RSPO2: variants seen among roughly 807,000 people sequenced by gnomAD.
RSPO2 encodes the protein R-spondin 2.
A neutral mutation model predicts 30.9 loss-of-function variants in RSPO2; 14 were observed. That is an observed-to-expected ratio of 0.45 (90% confidence interval 0.30 to 0.71). RSPO2 has a LOEUF of 0.71. RSPO2 is among the 30% of genes least tolerant of loss of function. The pLI is 0.08. For synonymous variants in RSPO2, 107 were observed against 96.4 expected (o/e 1.11, Z -0.64); for missense variants, 264 against 301.9 (o/e 0.87, Z 0.93).
intron 2 of RSPO2, among the ~76,000 whole-genome samples, chr8:108,003,290 TATATATATATATATATATATA>T (rs1227515257): frequency 1.8e-4 from 5 of 27,434 alleles, no homozygotes; most frequent in South Asian, 1.5e-3. Flanking sequence ...TATATATATA[TATATATATATATATATATATA>T]TTTTTTTTTT....
rs1025063815 is a variant in RSPO2, at chr8:108,083,523, T to C, written c.-496A>G. 1.3e-5 allele frequency: 2 copies of C among 152,284 alleles called. No homozygotes were observed. Among genetic ancestry groups the C allele is most frequent in the Non-Finnish European group, 2.9e-5 (2 of 68,092 alleles). 9.4% of individuals were successfully genotyped at this position (152,284 alleles called of 1,614,324 possible). Reference sequence around the variant, plus strand: ...CTCCACGGTCACTTCACAGCTAAGATTTCTTTCTTTCCGAGCTGTAGAAGG... The same window carrying C: ...CTCCACGGTCACTTCACAGCTAAGACTTCTTTCTTTCCGAGCTGTAGAAGG... On this transcript the variant is annotated 5_prime_UTR_variant, in exon 1 of 6. Coordinates refer to ENST00000276659, the MANE Select transcript of RSPO2 (RefSeq NM_178565.5).
intron 3 of RSPO2, among the ~76,000 whole-genome samples, chr8:107,970,190 CA>C (rs1272579751): frequency 6.6e-6 from 1 of 152,096 alleles, no homozygotes; most frequent in Non-Finnish European, 1.5e-5. Flanking sequence ...CAGCCACAGA[CA>C]ATATGTAAAT....
chr8:108,012,277 T>A lies in RSPO2; in HGVS notation c.95-23033A>T, dbSNP rs144440742. On this transcript the variant is annotated intron_variant, in intron 2 of 5. Transcript: ENST00000276659. ...GGTCCTCAAACCTGCAGCATCAGCA[T>A]CACCTAGAAGCTGAATCTCAGACTT... Among the ~76,000 whole-genome samples, 244 of 152,316 alleles carry A rather than the reference T, an allele frequency of 1.6e-3. 1 individual carries two copies. Among genetic ancestry groups the A allele is most frequent in the African/African-American group, 5.4e-3 (224 of 41,584 alleles).
intron 2 of RSPO2, among the ~76,000 whole-genome samples, chr8:108,013,601 A>C (rs1414920191): frequency 6.6e-6 from 1 of 152,246 alleles, no homozygotes; most frequent in Non-Finnish European, 1.5e-5. Context: ...GCAATGGGGA[A>C]AGGATTCCCT....
At chr8:108,056,175 T>C (rs1812235822) in intron 2 of RSPO2, among the ~76,000 whole-genome samples, 2 of 152,186 alleles carry the variant, frequency 1.3e-5, no homozygotes. Context: ...ACATGAAATT[T>C]GTATTATTGG....
At chr8:107,982,009 C>CAAAAAAA (rs372977834) in intron 3 of RSPO2, among the ~76,000 whole-genome samples, 227 of 55,294 alleles carry the variant, frequency 4.1e-3, no homozygotes, top group African/African-American at 5.6e-3. Flanking sequence ...ACAACAACAA[C>CAAAAAAA]AAAAAAAAAA....
intron 3 of RSPO2, among the ~76,000 whole-genome samples, chr8:107,981,119 T>C (rs925939920): frequency 1.3e-5 from 2 of 152,262 alleles, no homozygotes; most frequent in African/African-American, 2.4e-5. Context: ...AGAATAATTA[T>C]ATGTGTGTCC....
At chr8:107,920,101 G>A (rs1004249657) in intron 5 of RSPO2, among the ~76,000 whole-genome samples, 2 of 151,822 alleles carry the variant, frequency 1.3e-5, no homozygotes, top group Non-Finnish European at 2.9e-5. Flanking sequence ...ATCTGGATGA[G>A]GCAGGTTATG....
At chr8:107,903,680 C>T (rs997793495) in intron 5 of RSPO2, among the ~76,000 whole-genome samples, 1 of 151,988 alleles carries the variant, frequency 6.6e-6, no homozygotes, top group African/African-American at 2.4e-5. Context: ...TATATGGTAC[C>T]AATTCCAACA....
At chr8:107,982,009 C>CAAAAAAAAAAAAAAAAA (rs372977834) in intron 3 of RSPO2, among the ~76,000 whole-genome samples, 8 of 55,354 alleles carry the variant, frequency 1.4e-4, no homozygotes, top group African/African-American at 4.0e-4. Context: ...ACAACAACAA[C>CAAAAAAAAAAAAAAAAA]AAAAAAAAAA....
intron 2 of RSPO2, among the ~76,000 whole-genome samples, chr8:108,075,763 A>G (rs1424864858): frequency 6.6e-6 from 1 of 151,984 alleles, no homozygotes; most frequent in Admixed American, 6.6e-5. Context: ...AACATCAACT[A>G]TGTGCAAAGA....
intron 5 of RSPO2, among the ~76,000 whole-genome samples, chr8:107,955,519 C>T (rs1056710694): frequency 6.6e-6 from 1 of 151,860 alleles, no homozygotes; most frequent in Non-Finnish European, 1.5e-5. Flanking sequence ...CTGAGTATTT[C>T]AAGTGTAATT....
At chr8:107,949,287 G>A (rs1813167253) in intron 5 of RSPO2, among the ~76,000 whole-genome samples, 1 of 151,984 alleles carries the variant, frequency 6.6e-6, no homozygotes, top group Non-Finnish European at 1.5e-5. Flanking sequence ...TACTTCACTT[G>A]GAATAATGGT....
intron 5 of RSPO2, among the ~76,000 whole-genome samples, chr8:107,925,017 C>A (rs576357332): frequency 6.6e-6 from 1 of 152,072 alleles, no homozygotes; most frequent in East Asian, 1.9e-4. Context: ...CTCAGATAAA[C>A]CTCATAGCTA....
chr8:108,041,805 A>T (rs1004679784), intron 2 of RSPO2, among the ~76,000 whole-genome samples: 12 of 152,102 alleles, frequency 7.9e-5, no homozygotes, highest in Non-Finnish European at 5.9e-5. Context: ...GTAAATCCCA[A>T]CTGAGACCAA....
At chr8:107,993,670 T>C (rs1814924380) in intron 2 of RSPO2, among the ~76,000 whole-genome samples, 1 of 152,132 alleles carries the variant, frequency 6.6e-6, no homozygotes, top group Admixed American at 6.5e-5. Flanking sequence ...ATTTGGTGGC[T>C]TAAACAACAG....
chr8:108,074,561 T>C (rs1812955618), intron 2 of RSPO2, among the ~76,000 whole-genome samples: 1 of 152,204 alleles, frequency 6.6e-6, no homozygotes, highest in South Asian at 2.1e-4. Flanking sequence ...CCTCAATTAC[T>C]CCACCCCTCA....
chr8:107,996,901 G>C, intron 2 of RSPO2: 2 of 454,028 alleles, frequency 4.4e-6, no homozygotes, highest in Non-Finnish European at 8.8e-6. Context: ...AATGAATTAG[G>C]GAATACTTAC....
chr8:107,942,044 C>G (rs961902253), intron 5 of RSPO2, among the ~76,000 whole-genome samples: 1 of 151,976 alleles, frequency 6.6e-6, no homozygotes, highest in Admixed American at 6.6e-5. Context: ...GGTCAAGATT[C>G]GATAGTAACT....
Sources: gnomAD v4.1 joint callset for allele counts (sites outside exome capture counted in the v4.1 genomes callset) on GRCh38, gnomAD v4.1.1 for gene constraint, MANE v1.5 for transcripts, NCBI Gene and HGNC (gene_info 2026-07-23, HGNC 2026-07-21) for gene names.